The following USP28 variants were observed in gnomAD, a reference collection of about 807,000 sequenced individuals.
USP28 encodes ubiquitin specific peptidase 28.
USP28 carries 113 observed loss-of-function variants against 145.0 expected under a neutral mutation model. That is an observed-to-expected ratio of 0.78 (90% CI 0.67 to 0.91). The LOEUF (loss-of-function observed/expected upper bound fraction) is 0.91, where lower values mean the gene tolerates loss of function less well. Among genes scored for constraint, USP28 ranks in the 40% least tolerant of loss-of-function variants. USP28 has a pLI of 0.00. For missense variants in USP28, 1,201 were observed against 1,289.6 expected (o/e 0.93, Z 1.05); for synonymous variants, 447 against 450.9 (o/e 0.99, Z 0.11).
chr11:113,812,307 G>A (rs889487573), exon 16 of USP28: 2 of 1,614,046 alleles, frequency 1.2e-6, no homozygotes, highest in Non-Finnish European at 1.7e-6. Context: ...TGTCATTAAT[G>A]TACATCAGAC....
intron 1 of USP28, among the ~76,000 whole-genome samples, chr11:113,866,150 G>A (rs1369526900): frequency 1.3e-5 from 2 of 152,158 alleles, no homozygotes; most frequent in African/African-American, 4.8e-5. Context: ...ATATTAGCCA[G>A]GTGTGTTGGC....
At chr11:113,799,566 C>G in intron 24 of USP28, 151 bp from the exon 26 acceptor site, 1 of 918,492 alleles carries the variant, frequency 1.1e-6, no homozygotes, top group East Asian at 2.8e-5. Flanking sequence ...CAGGCCAAAC[C>G]AGGAGCAAAG....
intron 1 of USP28, among the ~76,000 whole-genome samples, chr11:113,872,863 G>A (rs2137252426): frequency 6.6e-6 from 1 of 152,316 alleles, no homozygotes; most frequent in East Asian, 1.9e-4. Context: ...TCGAATACCA[G>A]TTTGCAGTCT....
chr11:113,867,085 C>A (rs538343621), intron 1 of USP28, among the ~76,000 whole-genome samples: 12 of 152,240 alleles, frequency 7.9e-5, no homozygotes, highest in African/African-American at 1.9e-4. Context: ...CTCTCTAATA[C>A]GTAAATCTAG....
At chr11:113,813,394 C>A (rs1376394995) in intron 15 of USP28, among the ~76,000 whole-genome samples, 1 of 152,202 alleles carries the variant, frequency 6.6e-6, no homozygotes, top group Non-Finnish European at 1.5e-5. Context: ...TTTACCCCTC[C>A]ATTCCCAGAA....
chr11:113,862,323 G>A (rs1346004655), intron 1 of USP28, among the ~76,000 whole-genome samples: 1 of 152,194 alleles, frequency 6.6e-6, no homozygotes, highest in Non-Finnish European at 1.5e-5. Context: ...CTCCAGCCTG[G>A]GCGACAAGAG....
Position 113,854,125 on chromosome 11 carries a change from CAGTCA to C in USP28, c.135+128_135+132del, listed in dbSNP as rs1946782476. 4.0e-6 allele frequency: 3 copies of C among 751,894 alleles called. No individual in the cohort carries two copies. The African/African-American group carries it at 5.3e-5, about 13-fold the overall frequency. The allele number at this position is 751,894 out of a possible 1,614,324, so 46.6% of individuals were successfully genotyped here. On this transcript the variant is annotated intron_variant, in intron 2 of 24. Coordinates refer to ENST00000003302, the Ensembl canonical transcript of USP28. ...AATTTACATGTTGAAGACATTGGGT[CAGTCA>C]TTTGACCTGTAGAGCTTCTGTCCCT...
chr11:113,871,397 G>C (rs750414964), intron 1 of USP28, among the ~76,000 whole-genome samples: 2 of 152,166 alleles, frequency 1.3e-5, no homozygotes, highest in Non-Finnish European at 2.9e-5. Context: ...CTAGATCAGA[G>C]TTTGTCAAGC....
intron 15 of USP28, among the ~76,000 whole-genome samples, 162 bp from the exon 16 acceptor site, chr11:113,812,666 G>C (rs1016731065): frequency 1.3e-5 from 2 of 152,190 alleles, no homozygotes; most frequent in African/African-American, 4.8e-5. Flanking sequence ...CCTTGGAATT[G>C]ATCAATTATG....
chr11:113,827,459 G>T, intron 10 of USP28, 99 bp from the exon 11 acceptor site: 2 of 1,305,848 alleles, frequency 1.5e-6, no homozygotes, highest in Non-Finnish European at 2.0e-6. Context: ...TCTTCCTTTG[G>T]TATAGAACTT....
intron 23 of USP28, among the ~76,000 whole-genome samples, 192 bp downstream of exon 24, chr11:113,802,966 T>C (rs568600302): frequency 1.8e-4 from 28 of 152,332 alleles, no homozygotes; most frequent in African/African-American, 6.0e-4. Context: ...TCAGTTATCA[T>C]TGAAGAAGAA....
intron 5 of USP28, among the ~76,000 whole-genome samples, chr11:113,839,789 C>T (rs2136145346): frequency 6.6e-6 from 1 of 152,180 alleles, no homozygotes; most frequent in South Asian, 2.1e-4. Flanking sequence ...CTTTGGGAGG[C>T]CGAGGCAGGC....
exon 1 of USP28, chr11:113,875,556 C>G (rs894200909): frequency 8.9e-7 from 1 of 1,120,142 alleles, no homozygotes; most frequent in Admixed American, 5.0e-5. Context: ...GCCGCCGGCC[C>G]AGCCTCTCAG....
intron 14 of USP28, 65 bp downstream of exon 14, chr11:113,815,109 T>C: frequency 6.9e-7 from 1 of 1,452,708 alleles, no homozygotes; most frequent in South Asian, 1.2e-5. Flanking sequence ...CCGAGGTGCT[T>C]AACCTCCAAA....
chr11:113,852,572 G>A, exon 3 of USP28: 1 of 1,614,090 alleles, frequency 6.2e-7, no homozygotes, highest in South Asian at 1.1e-5. Flanking sequence ...GTCTTGACTG[G>A]GCTCCTTAAC....
intron 1 of USP28, among the ~76,000 whole-genome samples, chr11:113,862,434 T>A (rs80336840): frequency 0.018 from 2,704 of 152,320 alleles, 28 homozygotes; most frequent in Non-Finnish European, 0.026. Context: ...AGGTTTGATC[T>A]GATGAACAAT....
intron 1 of USP28, among the ~76,000 whole-genome samples, chr11:113,864,376 G>A (rs1459167295): frequency 1.3e-5 from 2 of 152,162 alleles, no homozygotes; most frequent in African/African-American, 4.8e-5. Context: ...AAATATAAGA[G>A]GTGAAATTTA....
chr11:113,816,258 T>A (rs1220989631), intron 13 of USP28, among the ~76,000 whole-genome samples: 2 of 152,166 alleles, frequency 1.3e-5, no homozygotes, highest in Non-Finnish European at 2.9e-5. Flanking sequence ...GGCTCACGCC[T>A]GTAATCCCAG....
At chr11:113,874,867 C>A (rs1016692738) in intron 1 of USP28, 28 of 1,002,768 alleles carry the variant, frequency 2.8e-5, no homozygotes, top group Non-Finnish European at 3.1e-5. Context: ...AGCTCCTCCC[C>A]CTCCTTAAAA....
Sources: gnomAD v4.1 joint callset for allele counts (sites outside exome capture counted in the v4.1 genomes callset) on GRCh38, gnomAD v4.1.1 for gene constraint, MANE v1.5 for transcripts, NCBI Gene and HGNC (gene_info 2026-07-23, HGNC 2026-07-21) for gene names.